Variants in THOC2 observed in about 807,000 individuals in gnomAD.
THOC2 encodes the protein THO complex 2.
Under a neutral mutation model 128.4 loss-of-function variants are expected in THOC2, and 10 were observed. The observed-to-expected ratio is 0.08, with a 90% CI of 0.05 to 0.13. The LOEUF (loss-of-function observed/expected upper bound fraction) is 0.13, where lower values mean the gene tolerates loss of function less well. Ranked by LOEUF, THOC2 falls within the 10% of genes least tolerant of loss-of-function variation. The probability of loss-of-function intolerance (pLI) is 1.00; values close to 1 mark genes in which losing one functional copy is unlikely to be tolerated. For missense variants in THOC2, 535 were observed against 1,155.7 expected, an observed-to-expected ratio of 0.46 and a Z score of 7.79; for synonymous variants, 393 against 396.9, an observed-to-expected ratio of 0.99 and a Z score of 0.12.
intron 4 of THOC2, among the ~76,000 whole-genome samples, chrX:123,699,927 A>T (rs2050620754): frequency 2.7e-5 from 3 of 112,145 alleles, no homozygotes; most frequent in African/African-American, 9.7e-5. Flanking sequence ...GGACTCTATT[A>T]TCCCAACTGT....
chrX:123,693,212 A>G (rs1433930793), intron 7 of THOC2, among the ~76,000 whole-genome samples: 1 of 112,370 alleles, frequency 8.9e-6, no homozygotes. Context: ...TAATCCCAAC[A>G]CTTTGGGAGG....
chrX:123,683,973 A>G (rs1000960636), intron 8 of THOC2, among the ~76,000 whole-genome samples: 1 of 110,705 alleles, frequency 9.0e-6, no homozygotes, highest in African/African-American at 3.3e-5. Context: ...TCATTCCAAG[A>G]ACAAGTTATT....
chrX:123,634,149 T>C (rs895613496), intron 19 of THOC2, 79 bp from the exon 20 acceptor site: 3 of 518,386 alleles, frequency 5.8e-6, no homozygotes, highest in Non-Finnish European at 9.1e-6. Context: ...ATTAATATAC[T>C]GAGAAACCCT....
At chrX:123,636,286 C>T in intron 18 of THOC2, 111 bp from the exon 19 acceptor site, 3 of 526,547 alleles carry the variant, frequency 5.7e-6, no homozygotes, top group Non-Finnish European at 9.3e-6. Context: ...ATTGCTGATG[C>T]TGTTGAATGG....
intron 7 of THOC2, among the ~76,000 whole-genome samples, chrX:123,687,087 T>G (rs1181516746): frequency 8.9e-6 from 1 of 111,775 alleles, no homozygotes; most frequent in Non-Finnish European, 1.9e-5. Flanking sequence ...AACAATGCAT[T>G]TTACAAATTA....
At chrX:123,635,889 G>GA (rs1466267328) in intron 19 of THOC2, among the ~76,000 whole-genome samples, 190 bp downstream of exon 19, 1 of 111,602 alleles carries the variant, frequency 9.0e-6, no homozygotes, top group Admixed American at 9.5e-5. Flanking sequence ...ATTTATTCAT[G>GA]AAAAAAGGTG....
intron 20 of THOC2, among the ~76,000 whole-genome samples, chrX:123,633,651 A>AC (rs1469588772): frequency 9.0e-6 from 1 of 111,411 alleles, no homozygotes; most frequent in Non-Finnish European, 1.9e-5. Context: ...TGATCCACCC[A>AC]CCTCAGCCTC....
chrX:123,638,713 CAA>C (rs1426278415), intron 17 of THOC2, among the ~76,000 whole-genome samples: 1 of 105,345 alleles, frequency 9.5e-6, no homozygotes, highest in African/African-American at 3.5e-5. Flanking sequence ...TTATACAACA[CAA>C]AGACACACAC....
In THOC2 at chrX:123,729,431, G is replaced by A. The variant is rs762578506; in HGVS notation, c.71+3521C>T. Among the ~76,000 whole-genome samples, 10 of 111,574 alleles carry A rather than the reference G, an allele frequency of 9.0e-5. No homozygotes were observed. In the East Asian group the frequency reaches 2.0e-3, roughly 22 times the overall value. On this transcript the variant is annotated intron_variant, in intron 1 of 38. Coordinates refer to ENST00000245838, the MANE Select transcript of THOC2 (RefSeq NM_001081550.2). ...TTAATAGACAGTTGTTTTTCATGGC[G>A]TACAGTTAAGAATTTGCCCTATCTG...
chrX:123,649,480 T>C (rs2048270625), intron 12 of THOC2, among the ~76,000 whole-genome samples: 1 of 110,871 alleles, frequency 9.0e-6, no homozygotes, highest in Non-Finnish European at 1.9e-5. Context: ...GAAGTAGGCT[T>C]CAGAAGGTGG....
chrX:123,648,417 GTT>G (rs1413604603), intron 12 of THOC2, among the ~76,000 whole-genome samples: 1 of 111,698 alleles, frequency 9.0e-6, no homozygotes, highest in African/African-American at 3.3e-5. Flanking sequence ...TGCTGCTGGA[GTT>G]TTCTTTCAAA....
chrX:123,728,563 A>G (rs1318253882), intron 1 of THOC2, among the ~76,000 whole-genome samples: 1 of 111,533 alleles, frequency 9.0e-6, no homozygotes, highest in Non-Finnish European at 1.9e-5. Context: ...TTTGCGAGGA[A>G]AAAAGACTCA....
chrX:123,624,469 C>A, intron 26 of THOC2, 72 bp downstream of exon 26: 2 of 1,054,818 alleles, frequency 1.9e-6, no homozygotes, highest in South Asian at 2.4e-5. Context: ...TTTTAAAACT[C>A]AACTATCTAG....
chrX:123,633,457 C>T (rs1048408057), intron 20 of THOC2, among the ~76,000 whole-genome samples: 4 of 111,451 alleles, frequency 3.6e-5, no homozygotes, highest in South Asian at 3.8e-4. Context: ...GAATGGAGTA[C>T]GATGGCGAGA....
chrX:123,690,051 T>C (rs1477776989), intron 7 of THOC2, among the ~76,000 whole-genome samples: 1 of 111,166 alleles, frequency 9.0e-6, no homozygotes, highest in African/African-American at 3.3e-5. Context: ...CACACACACA[T>C]ATGCCTTTAT....
At position 123,621,245 on chromosome X, in the gene THOC2, C is replaced by T. The variant is rs774805244; in HGVS notation, c.4128G>A (p.Lys1376=). The T allele has an allele frequency of 1.2e-5, 14 of 1,209,213 alleles. No homozygotes were observed. The highest frequency in any genetic ancestry group is 1.6e-5 in the Non-Finnish European group (14 of 895,004). ...TTTTTTCTCCTCCTTTAACATTTTCCTTTGATTTCATTTCCTTTGCTATAT... is the reference window on the plus strand; with the variant it reads ...TTTTTTCTCCTCCTTTAACATTTTCTTTTGATTTCATTTCCTTTGCTATAT... ...ERDIAKEMKS[K]ENVKGGEKTP... is the part of the protein sequence containing the mutation. The change falls in exon 31 of 39, where the codon AAG becomes AAA. Residue 1376 remains lysine (K), a synonymous_variant. Coordinates refer to ENST00000245838, the MANE Select transcript of THOC2 (RefSeq NM_001081550.2).
intron 1 of THOC2, among the ~76,000 whole-genome samples, chrX:123,724,260 G>A (rs2051841205): frequency 8.9e-6 from 1 of 111,843 alleles, no homozygotes; most frequent in East Asian, 2.8e-4. Flanking sequence ...TCACCTCTGT[G>A]CCTTCTGATT....
intron 1 of THOC2, among the ~76,000 whole-genome samples, chrX:123,724,887 C>T (rs1359425904): frequency 9.0e-6 from 1 of 110,528 alleles, no homozygotes; most frequent in Non-Finnish European, 1.9e-5. Flanking sequence ...AGACCAGCCT[C>T]GTAACGTGGT....
At chrX:123,650,119 C>T (rs2048296097) in intron 12 of THOC2, among the ~76,000 whole-genome samples, 1 of 111,915 alleles carries the variant, frequency 8.9e-6, no homozygotes, top group African/African-American at 3.3e-5. Context: ...TCAGCAGAAA[C>T]CTTACAAGCC....
Sources: gnomAD v4.1 joint callset for allele counts (sites outside exome capture counted in the v4.1 genomes callset) on GRCh38, gnomAD v4.1.1 for gene constraint, MANE v1.5 for transcripts, NCBI Gene and HGNC (gene_info 2026-07-23, HGNC 2026-07-21) for gene names.